Variants in ABTB2 observed in about 807,000 individuals in gnomAD.
ABTB2 encodes ankyrin repeat and BTB/POZ domain-containing protein 2.
ABTB2 carries 56 observed loss-of-function variants against 104.1 expected under a neutral mutation model. That is an observed-to-expected ratio of 0.54 (90% CI 0.43 to 0.67). The LOEUF (loss-of-function observed/expected upper bound fraction) is 0.67. ABTB2 is among the 30% of genes least tolerant of loss of function. The pLI is 0.00. For synonymous variants in ABTB2, 606 were observed against 608.2 expected, an observed-to-expected ratio of 1.00 and a Z score of 0.05; for missense variants, 1,279 against 1,407.7, an observed-to-expected ratio of 0.91 and a Z score of 1.46.
At chr11:34,172,401 T>C (rs1189233527) in intron 4 of ABTB2, among the ~76,000 whole-genome samples, 944 of 38,810 alleles carry the variant, frequency 0.024, 85 homozygotes, top group East Asian at 0.053. Flanking sequence ...AAAAAATATA[T>C]ATATATATAT....
chr11:34,254,898 C>G (rs1031821040), intron 1 of ABTB2, among the ~76,000 whole-genome samples: 2 of 152,080 alleles, frequency 1.3e-5, no homozygotes, highest in Non-Finnish European at 1.5e-5. Context: ...GTCTCAAACT[C>G]CTGACCTCAA....
At chr11:34,348,546 G>A (rs1277216194) in intron 1 of ABTB2, among the ~76,000 whole-genome samples, 2 of 151,940 alleles carry the variant, frequency 1.3e-5, no homozygotes, top group African/African-American at 2.4e-5. Flanking sequence ...TCCCATCTCC[G>A]CAGTCGCAGC....
At chr11:34,213,554 A>T (rs1020389350) in intron 1 of ABTB2, among the ~76,000 whole-genome samples, 10 of 152,228 alleles carry the variant, frequency 6.6e-5, no homozygotes, top group Non-Finnish European at 1.5e-4. Context: ...ATGCTGGCTC[A>T]GTGGCACTTT....
intron 8 of ABTB2, 120 bp from the exon 9 acceptor site, chr11:34,164,941 C>T (rs1224362406): frequency 4.0e-6 from 5 of 1,238,916 alleles, no homozygotes; most frequent in Non-Finnish European, 5.5e-6. Context: ...AGTCAGTAAA[C>T]CCCACACTCA....
intron 1 of ABTB2, among the ~76,000 whole-genome samples, chr11:34,260,389 T>C (rs1854174117): frequency 6.6e-6 from 1 of 152,218 alleles, no homozygotes; most frequent in Non-Finnish European, 1.5e-5. Flanking sequence ...CGGAGGGCTG[T>C]GTACTGCCTC....
At chr11:34,186,526 T>C (rs1017354345) in intron 3 of ABTB2, among the ~76,000 whole-genome samples, 2 of 152,210 alleles carry the variant, frequency 1.3e-5, no homozygotes, top group South Asian at 2.1e-4. Context: ...CTGGCAAGAC[T>C]GCAGACAAAG....
chr11:34,221,733 CA>C (rs532094730), intron 1 of ABTB2, among the ~76,000 whole-genome samples: 283 of 152,338 alleles, frequency 1.9e-3, no homozygotes, highest in Non-Finnish European at 2.9e-3. Context: ...CCCACTCACT[CA>C]CTTAATTTTA....
chr11:34,262,499 A>G (rs1467644934), intron 1 of ABTB2, among the ~76,000 whole-genome samples: 1 of 152,160 alleles, frequency 6.6e-6, no homozygotes, highest in African/African-American at 2.4e-5. Context: ...GTCCTGTTGC[A>G]ACAAAGCAAA....
At chr11:34,186,410 C>G (rs779921556) in intron 3 of ABTB2, among the ~76,000 whole-genome samples, 6 of 152,216 alleles carry the variant, frequency 3.9e-5, no homozygotes, top group Admixed American at 6.5e-5. Flanking sequence ...TGTCCTCCCC[C>G]CATCCTGAGG....
At chr11:34,340,211 A>T (rs527873957) in intron 1 of ABTB2, among the ~76,000 whole-genome samples, 56 of 152,316 alleles carry the variant, frequency 3.7e-4, no homozygotes, top group Admixed American at 2.0e-4. Flanking sequence ...CTGACTAGAC[A>T]GATAAGACAT....
chr11:34,194,891 G>C (rs1214915532), intron 3 of ABTB2, among the ~76,000 whole-genome samples: 1 of 151,842 alleles, frequency 6.6e-6, no homozygotes, highest in South Asian at 2.1e-4. Context: ...CAGATAGTGC[G>C]GTTTTTAAAT....
intron 3 of ABTB2, among the ~76,000 whole-genome samples, chr11:34,184,545 G>A (rs1382000090): frequency 6.6e-6 from 1 of 152,238 alleles, no homozygotes; most frequent in African/African-American, 2.4e-5. Context: ...GATTCCAGTG[G>A]AGACTGCGCA....
At chr11:34,173,415 T>C in intron 3 of ABTB2, 108 bp from the exon 4 acceptor site, 3 of 1,361,388 alleles carry the variant, frequency 2.2e-6, no homozygotes, top group Non-Finnish European at 3.0e-6. Flanking sequence ...AGAGAGAGGG[T>C]CAGTCCTAGG....
chr11:34,287,610 C>T (rs950383632), intron 1 of ABTB2, among the ~76,000 whole-genome samples: 7 of 152,174 alleles, frequency 4.6e-5, no homozygotes, highest in Non-Finnish European at 8.8e-5. Flanking sequence ...CAGTTGGTTC[C>T]AGTCACCAAA....
At chr11:34,186,595 G>C (rs148954229) in intron 3 of ABTB2, among the ~76,000 whole-genome samples, 4 of 152,318 alleles carry the variant, frequency 2.6e-5, no homozygotes, top group East Asian at 3.9e-4. Context: ...CCTCGGGCCC[G>C]GCAGTTCCCA....
Position 34,162,801 on chromosome 11 carries a change from C to T in ABTB2, c.1993G>A (p.Val665Ile), listed in dbSNP as rs576972845. 22 of 1,601,194 alleles carry T rather than the reference C, an allele frequency of 1.4e-5. No homozygotes were observed. The highest frequency in any genetic ancestry group is 1.3e-4 in the South Asian group (12 of 90,660). ...GGCTGCGTCAGGAGCTTCCTCAGGA[C>T]GTTCCTGCAGGCCCAGGGATGAATG... ...SHSAAHGHRN[V>I]LRKLLTQPQQ... Residue 665 changes from valine to isoleucine, a missense_variant, in exon 10 of 17, where the codon GTC becomes ATC. Transcript: ENST00000435224.
chr11:34,272,270 T>C (rs976070035), intron 1 of ABTB2, among the ~76,000 whole-genome samples: 4 of 147,150 alleles, frequency 2.7e-5, no homozygotes, highest in Non-Finnish European at 3.0e-5. Flanking sequence ...TGACCTCTTA[T>C]TTGGAAATAA....
intron 1 of ABTB2, among the ~76,000 whole-genome samples, chr11:34,317,876 A>G (rs1854956727): frequency 6.6e-6 from 1 of 151,922 alleles, no homozygotes; most frequent in Non-Finnish European, 1.5e-5. Flanking sequence ...TTGGGCTTCT[A>G]GCATACCTAT....
At chr11:34,184,774 C>T (rs896206203) in intron 3 of ABTB2, among the ~76,000 whole-genome samples, 20 of 152,264 alleles carry the variant, frequency 1.3e-4, no homozygotes, top group African/African-American at 4.8e-4. Context: ...TGGGAAGCAG[C>T]TCCCAGGCCT....
Sources: allele counts gnomAD v4.1 joint callset (sites outside exome capture counted in the v4.1 genomes callset), GRCh38; gene constraint gnomAD v4.1.1; transcripts MANE v1.5; gene names NCBI Gene and HGNC (gene_info 2026-07-23, HGNC 2026-07-21).